The following AHI1 variants were observed in gnomAD, a reference collection of about 807,000 sequenced individuals.
AHI1 encodes Abelson helper integration site 1, also known as jouberin.
In AHI1, 123 loss-of-function variants were observed where a neutral mutation model predicts 149.3. The ratio of observed to expected loss-of-function variants is 0.82; its 90% confidence interval spans 0.71 to 0.96. The LOEUF is 0.96. Ranked by LOEUF, AHI1 falls within the 40% of genes least tolerant of loss-of-function variation. The pLI is 0.00. For synonymous variants in AHI1, 475 were observed against 459.8 expected, an observed-to-expected ratio of 1.03 and a Z score of -0.42; for missense variants, 1,439 against 1,422.7, an observed-to-expected ratio of 1.01 and a Z score of -0.18.
intron 11 of AHI1, among the ~76,000 whole-genome samples, chr6:135,451,932 T>A (rs2128067679): frequency 6.6e-6 from 1 of 152,142 alleles, no homozygotes; most frequent in South Asian, 2.1e-4. Flanking sequence ...AAAAGGGTGA[T>A]CATCGATAGC....
At chr6:135,417,765 T>A (rs1782593264) in intron 20 of AHI1, among the ~76,000 whole-genome samples, 2 of 152,166 alleles carry the variant, frequency 1.3e-5, no homozygotes, top group Middle Eastern at 6.8e-3. Flanking sequence ...CAAAAAAATC[T>A]GCAGAAATAT....
rs1030144792 is a variant in AHI1 at position 135,285,409 on chromosome 6, A to C, written c.*236T>G. 2 of 581,548 alleles carry C rather than the reference A, an allele frequency of 3.4e-6. No homozygotes were observed. The highest frequency in any genetic ancestry group is 2.2e-5 in the South Asian group (1 of 46,444). 36.0% of individuals were successfully genotyped at this position (581,548 alleles called of 1,614,324 possible). On this transcript the variant is annotated 3_prime_UTR_variant, in exon 29 of 29. Coordinates refer to ENST00000265602, the MANE Select transcript of AHI1 (RefSeq NM_001134831.2). ...GCAATTACTAACAATATAAGTACCAATACTTTGACCAACAATAGTCACAAT... is the reference window on the plus strand; with the variant it reads ...GCAATTACTAACAATATAAGTACCACTACTTTGACCAACAATAGTCACAAT...
chr6:135,327,409 G>T (rs554271603), intron 24 of AHI1, among the ~76,000 whole-genome samples: 1 of 152,216 alleles, frequency 6.6e-6, no homozygotes, highest in South Asian at 2.1e-4. Flanking sequence ...GTGAGGCTAC[G>T]TTCTCTAAAG....
At chr6:135,463,338 A>AGATATAT (rs1790227566) in intron 7 of AHI1, 32 bp from the exon 8 acceptor site, 2 of 1,499,204 alleles carry the variant, frequency 1.3e-6, no homozygotes, top group Non-Finnish European at 1.8e-6. Flanking sequence ...CAGCCATTAC[A>AGATATAT]GATATATTAT....
intron 24 of AHI1, among the ~76,000 whole-genome samples, chr6:135,326,276 C>T (rs1166613095): frequency 2.0e-5 from 3 of 152,078 alleles, no homozygotes; most frequent in Non-Finnish European, 4.4e-5. Flanking sequence ...CCTGGATTAA[C>T]AGGACTGGCA....
intron 23 of AHI1, among the ~76,000 whole-genome samples, chr6:135,387,383 C>G (rs183817545): frequency 6.6e-6 from 1 of 152,134 alleles, no homozygotes. Flanking sequence ...GTCCCCCAAC[C>G]GAACCCATGC....
chr6:135,479,424 A>G (rs1470714906), intron 5 of AHI1, among the ~76,000 whole-genome samples: 5 of 152,126 alleles, frequency 3.3e-5, no homozygotes, highest in Admixed American at 6.5e-5. Context: ...CATGGAGTCA[A>G]AGGAGATTAT....
At chr6:135,462,011 T>C (rs1459086168) in intron 8 of AHI1, among the ~76,000 whole-genome samples, 1 of 152,034 alleles carries the variant, frequency 6.6e-6, no homozygotes, top group Non-Finnish European at 1.5e-5. Context: ...GTATGTTCAG[T>C]TTGTGAAAAA....
chr6:135,438,345 T>C (rs1391528056), intron 15 of AHI1, 30 bp downstream of exon 15: 12 of 1,539,986 alleles, frequency 7.8e-6, no homozygotes, highest in Non-Finnish European at 1.1e-5. Context: ...GCAAACAGCA[T>C]GCACATAAGT....
chr6:135,486,911 G>A (rs1235751993), intron 5 of AHI1, among the ~76,000 whole-genome samples: 1 of 152,018 alleles, frequency 6.6e-6, no homozygotes, highest in East Asian at 1.9e-4. Flanking sequence ...AGGACTACAG[G>A]CGCATGCCAC....
intron 14 of AHI1, among the ~76,000 whole-genome samples, chr6:135,439,577 AATC>A (rs1785943802): frequency 6.6e-6 from 1 of 152,226 alleles, no homozygotes; most frequent in African/African-American, 2.4e-5. Context: ...AAGAAAAAAA[AATC>A]ATATGTTGAG....
At chr6:135,352,898 T>A (rs547802370) in intron 24 of AHI1, among the ~76,000 whole-genome samples, 1 of 151,582 alleles carries the variant, frequency 6.6e-6, no homozygotes, top group South Asian at 2.1e-4. Flanking sequence ...ATGTATATTG[T>A]ATACCTCATG....
In AHI1 at chr6:135,427,296, C is replaced by T. The variant is rs764525761; in HGVS notation, c.2635G>A (p.Ala879Thr). ...VWNPETGEQV[A>T]MYSDLPFKSP... Reference sequence around the variant, plus strand: ...TTGAATGGCAAGTCAGAATACATGGCTACTTGTTCTCCTAAATAAAAAGAG... The same window carrying T: ...TTGAATGGCAAGTCAGAATACATGGTTACTTGTTCTCCTAAATAAAAAGAG... Residue 879 changes from alanine (A) to threonine (T), a missense_variant, in exon 20 of 29, where the codon GCC (alanine) becomes ACC (threonine). Transcript: ENST00000265602. The T allele has an allele frequency of 1.9e-6, 3 of 1,608,528 alleles. No individual in the cohort carries two copies. Among genetic ancestry groups the T allele is most frequent in the Non-Finnish European group, 2.5e-6 (3 of 1,176,604 alleles).
intron 22 of AHI1, among the ~76,000 whole-genome samples, chr6:135,396,444 A>C (rs1045358713): frequency 1.3e-5 from 2 of 151,846 alleles, no homozygotes; most frequent in African/African-American, 4.8e-5. Flanking sequence ...TCATATGTTA[A>C]CCATAAAGCA....
chr6:135,319,346 G>A (rs967788378), intron 25 of AHI1, among the ~76,000 whole-genome samples: 18 of 152,142 alleles, frequency 1.2e-4, no homozygotes, highest in South Asian at 2.1e-4. Context: ...GCATGGTGGC[G>A]TGCACCTGTA....
chr6:135,453,830 C>A (rs927699853), intron 10 of AHI1, among the ~76,000 whole-genome samples: 5 of 152,052 alleles, frequency 3.3e-5, no homozygotes, highest in African/African-American at 1.2e-4. Flanking sequence ...TCTTGGATCA[C>A]CTTCCTGAAG....
chr6:135,439,707 T>C (rs1402476135), intron 14 of AHI1, among the ~76,000 whole-genome samples: 1 of 152,168 alleles, frequency 6.6e-6, no homozygotes, highest in Non-Finnish European at 1.5e-5. Flanking sequence ...CTTTAGTGCA[T>C]GGTAAGTGTT....
At chr6:135,418,235 T>G (rs1011727205) in intron 20 of AHI1, among the ~76,000 whole-genome samples, 3 of 152,070 alleles carry the variant, frequency 2.0e-5, no homozygotes, top group Non-Finnish European at 4.4e-5. Context: ...GTTTCGACCT[T>G]CTGAAGGAGA....
chr6:135,446,898 G>A lies in AHI1; in HGVS notation c.1779+110C>T, dbSNP rs985974033. ...AAGGCAAAATTGTGGTTAAAAACAA[G>A]GATAAATAGCAAGCATTTTAAGTAG... On this transcript the variant is annotated intron_variant, in intron 13 of 28. Coordinates refer to ENST00000265602, the MANE Select transcript of AHI1 (RefSeq NM_001134831.2). The A allele has an allele frequency of 5.0e-6, 6 of 1,192,142 alleles. No individual in the cohort carries two copies. The African/African-American group carries it at 9.3e-5, about 18-fold the overall frequency. 73.8% of individuals were successfully genotyped at this position (1,192,142 alleles called of 1,614,324 possible).
Sources: gnomAD v4.1 joint callset for allele counts (sites outside exome capture counted in the v4.1 genomes callset) on GRCh38, gnomAD v4.1.1 for gene constraint, MANE v1.5 for transcripts, NCBI Gene and HGNC (gene_info 2026-07-23, HGNC 2026-07-21) for gene names.